IGSF11: variants seen among roughly 807,000 people sequenced by gnomAD.
IGSF11 encodes immunoglobulin superfamily member 11, also known as CXADR like 1.
Under a neutral mutation model 41.0 loss-of-function variants are expected in IGSF11, and 22 were observed. The ratio of observed to expected loss-of-function variants is 0.54; its 90% CI spans 0.38 to 0.77. The LOEUF (loss-of-function observed/expected upper bound fraction) is 0.77. Ranked by LOEUF, IGSF11 falls within the 30% of genes least tolerant of loss-of-function variation. The probability of loss-of-function intolerance (pLI) is 0.00; values close to 1 mark genes in which losing one functional copy is unlikely to be tolerated. For missense variants in IGSF11, 444 were observed against 530.8 expected, an observed-to-expected ratio of 0.84 and a Z score of 1.61; for synonymous variants, 219 against 201.3, an observed-to-expected ratio of 1.09 and a Z score of -0.74.
At chr3:118,956,811 T>C (rs1015686148) in intron 1 of IGSF11, among the ~76,000 whole-genome samples, 2 of 152,148 alleles carry the variant, frequency 1.3e-5, no homozygotes, top group African/African-American at 4.8e-5. Flanking sequence ...AAACACAAAG[T>C]GAGCATATGT....
chr3:118,905,716 G>T lies in IGSF11; in HGVS notation c.583C>A (p.Gln195Lys). The T allele has an allele frequency of 6.2e-7, 1 of 1,613,446 alleles. No individual in the cohort carries two copies. The highest frequency in any genetic ancestry group is 8.5e-7 in the Non-Finnish European group (1 of 1,179,570). Residue 195 changes from glutamine to lysine, a missense_variant and splice_region_variant, in exon 5 of 7, where the codon CAG becomes AAG. Gln to Lys is a moderately conservative substitution (Grantham distance 53). Around this residue, in one of 3 missense-constraint regions of IGSF11, gnomAD observed 193 missense variants for 283.5 expected, o/e 0.68. Transcript: ENST00000393775. ...CGGATGGTGACTGTTCCCTGGACCT[G>T]GTCTGTCACAAAAATAATAACCGAG... is the stretch of plus-strand genomic sequence containing the variant. ...LKLPPTATQDQVQGTVTIRNI... is the reference protein window; with the variant it reads ...LKLPPTATQDKVQGTVTIRNI...
At chr3:119,046,968 G>C (rs1468546176) in intron 1 of IGSF11, among the ~76,000 whole-genome samples, 1 of 143,380 alleles carries the variant, frequency 7.0e-6, no homozygotes, top group Admixed American at 7.2e-5. Context: ...TCAACACCAG[G>C]CCTGCCCTAA....
chr3:119,062,086 A>C (rs750988172), intron 1 of IGSF11, among the ~76,000 whole-genome samples: 1 of 152,170 alleles, frequency 6.6e-6, no homozygotes, highest in African/African-American at 2.4e-5. Context: ...GAATCAGGTA[A>C]TATGTATGAA....
intron 4 of IGSF11, among the ~76,000 whole-genome samples, chr3:118,906,205 A>C (rs938434294): frequency 1.3e-5 from 2 of 152,206 alleles, no homozygotes; most frequent in Non-Finnish European, 2.9e-5. Context: ...GTTAGCTCAG[A>C]TCCTCCAAGA....
At chr3:119,124,146 GATAGAGAA>G (rs2077369023) in intron 1 of IGSF11, among the ~76,000 whole-genome samples, 1 of 151,752 alleles carries the variant, frequency 6.6e-6, no homozygotes, top group South Asian at 2.1e-4. Context: ...CTATCACAGA[GATAGAGAA>G]GGAATTCAGA....
chr3:118,986,687 T>G (rs772261556), intron 1 of IGSF11, among the ~76,000 whole-genome samples: 1 of 152,188 alleles, frequency 6.6e-6, no homozygotes, highest in African/African-American at 2.4e-5. Flanking sequence ...TTAGAGGGGA[T>G]AGTAAACCCT....
At chr3:118,911,833 T>C (rs1388155506) in intron 4 of IGSF11, among the ~76,000 whole-genome samples, 2 of 152,088 alleles carry the variant, frequency 1.3e-5, no homozygotes, top group African/African-American at 4.8e-5. Context: ...ACCTGGTCTC[T>C]TCTAGGAGCC....
intron 1 of IGSF11, among the ~76,000 whole-genome samples, chr3:119,003,958 C>A (rs1402628784): frequency 6.6e-6 from 1 of 151,214 alleles, no homozygotes; most frequent in Non-Finnish European, 1.5e-5. Context: ...GCTTTGGTAT[C>A]AGAATGATGT....
At chr3:118,961,657 G>A (rs1945342434) in intron 1 of IGSF11, among the ~76,000 whole-genome samples, 1 of 152,152 alleles carries the variant, frequency 6.6e-6, no homozygotes, top group Non-Finnish European at 1.5e-5. Flanking sequence ...AGGATCCAGT[G>A]GCAAGATCCA....
chr3:119,124,722 C>G (rs1450181863), intron 1 of IGSF11, among the ~76,000 whole-genome samples: 1 of 151,812 alleles, frequency 6.6e-6, no homozygotes, highest in Non-Finnish European at 1.5e-5. Flanking sequence ...TAAAGAGGAG[C>G]TAGAGAAAGA....
chr3:119,000,793 A>T (rs1045542615), intron 1 of IGSF11, among the ~76,000 whole-genome samples: 1 of 152,152 alleles, frequency 6.6e-6, no homozygotes, highest in East Asian at 1.9e-4. Flanking sequence ...CTCTTAACTC[A>T]TCTTCCTGTC....
intron 1 of IGSF11, among the ~76,000 whole-genome samples, chr3:119,096,427 T>C (rs953874891): frequency 6.6e-6 from 1 of 151,974 alleles, no homozygotes; most frequent in African/African-American, 2.4e-5. Flanking sequence ...TGGTTATAAA[T>C]TCTTAAAATG....
At chr3:119,065,792 CAAA>C (rs1193374379) in intron 1 of IGSF11, among the ~76,000 whole-genome samples, 2 of 56,732 alleles carry the variant, frequency 3.5e-5, no homozygotes, top group African/African-American at 1.2e-4. Flanking sequence ...GACTCTGTCT[CAAA>C]AAAAAAAAAA....
intron 1 of IGSF11, chr3:118,948,212 GATA>G (rs1210877319): frequency 6.6e-6 from 1 of 152,194 alleles, no homozygotes; most frequent in Admixed American, 6.5e-5. Context: ...GGACATATCA[GATA>G]ATAAATGTAT....
intron 1 of IGSF11, among the ~76,000 whole-genome samples, chr3:119,068,821 T>C (rs563692389): frequency 1.4e-4 from 21 of 152,082 alleles, no homozygotes; most frequent in Non-Finnish European, 1.9e-4. Flanking sequence ...GGTTTATTTA[T>C]TCTAAAAAAG....
chr3:118,951,554 AAAT>A (rs1199661908), intron 1 of IGSF11, among the ~76,000 whole-genome samples: 12 of 152,190 alleles, frequency 7.9e-5, no homozygotes, highest in Non-Finnish European at 1.6e-4. Flanking sequence ...TTTCTTTTAA[AAAT>A]AATAATAGAC....
At chr3:119,081,134 T>C (rs180906580) in intron 1 of IGSF11, among the ~76,000 whole-genome samples, 162 of 152,282 alleles carry the variant, frequency 1.1e-3, no homozygotes, top group African/African-American at 3.8e-3. Flanking sequence ...AGTGAGTATT[T>C]TTCATGTCTT....
intron 1 of IGSF11, among the ~76,000 whole-genome samples, chr3:118,980,654 T>C (rs1044630318): frequency 3.9e-5 from 6 of 152,156 alleles, no homozygotes; most frequent in African/African-American, 9.7e-5. Context: ...TGGTTGTATT[T>C]TTCAACACAA....
chr3:118,947,802 T>G (rs1944269819), intron 1 of IGSF11: 1 of 152,240 alleles, frequency 6.6e-6, no homozygotes, highest in Non-Finnish European at 1.5e-5. Context: ...ACACCACACT[T>G]TTAGTTTTGC....
Sources: gnomAD v4.1 joint callset for allele counts (sites outside exome capture counted in the v4.1 genomes callset) on GRCh38, gnomAD v4.1.1 for gene constraint, gnomAD v4.1.1 regional missense constraint, MANE v1.5 for transcripts, NCBI Gene and HGNC (gene_info 2026-07-23, HGNC 2026-07-21) for gene names.